The following PCLO variants were observed in gnomAD, a reference collection of about 807,000 sequenced individuals.
PCLO encodes piccolo presynaptic cytomatrix protein.
In PCLO, 82 loss-of-function variants were observed where a neutral mutation model predicts 427.5. That is an observed-to-expected ratio of 0.19 (90% CI 0.16 to 0.23). The LOEUF is 0.23. Among genes scored for constraint, PCLO ranks in the 10% least tolerant of loss-of-function variants. The probability of loss-of-function intolerance (pLI) is 1.00; values close to 1 mark genes in which losing one functional copy is unlikely to be tolerated. For missense variants in PCLO, 6,239 were observed against 6,115.9 expected, an observed-to-expected ratio of 1.02 and a Z score of -0.67; for synonymous variants, 2,357 against 2,155.4, an observed-to-expected ratio of 1.09 and a Z score of -2.59.
In PCLO at chr7:82,768,621, A is replaced by G. The variant is rs547830457; in HGVS notation, c.15008-7128T>C. On this transcript the variant is annotated intron_variant, in intron 22 of 24. Coordinates refer to ENST00000333891, the MANE Select transcript of PCLO (RefSeq NM_033026.6). ...TGATAAACATGAATATTTTAATTCT[A>G]CTTTAACAAAATTGATTCTTGCTTT... Among the ~76,000 whole-genome samples the G allele has an allele frequency of 1.2e-4, 19 of 152,146 alleles. No homozygotes were observed. The South Asian group carries it at 3.9e-3, about 32-fold the overall frequency.
At chr7:82,783,300 A>C (rs1424774968) in intron 22 of PCLO, among the ~76,000 whole-genome samples, 1 of 152,236 alleles carries the variant, frequency 6.6e-6, no homozygotes, top group African/African-American at 2.4e-5. Flanking sequence ...TTAGAGTTAA[A>C]GAAATATCAC....
chr7:83,019,090 T>C (rs867490424), intron 3 of PCLO, among the ~76,000 whole-genome samples: 16 of 151,986 alleles, frequency 1.1e-4, no homozygotes, highest in South Asian at 2.1e-4. Context: ...ATAATATTCC[T>C]GAAATCAAGA....
intron 9 of PCLO, among the ~76,000 whole-genome samples, chr7:82,896,056 A>C (rs2116153785): frequency 6.6e-6 from 1 of 152,054 alleles, no homozygotes; most frequent in South Asian, 2.1e-4. Context: ...TTAACAAAGC[A>C]AAGTAAATCA....
intron 10 of PCLO, among the ~76,000 whole-genome samples, chr7:82,862,789 G>C (rs539093544): frequency 6.6e-6 from 1 of 151,982 alleles, no homozygotes; most frequent in East Asian, 1.9e-4. Flanking sequence ...TTATTTGTGG[G>C]ATCTAAAAAT....
At chr7:82,814,676 A>C (rs997646577) in intron 20 of PCLO, among the ~76,000 whole-genome samples, 4 of 151,928 alleles carry the variant, frequency 2.6e-5, no homozygotes, top group African/African-American at 9.7e-5. Flanking sequence ...ATCAACAAGC[A>C]CATATTCCAT....
intron 22 of PCLO, among the ~76,000 whole-genome samples, chr7:82,783,153 C>T (rs1019762967): frequency 6.6e-6 from 1 of 152,204 alleles, no homozygotes. Context: ...GAGAACTAAA[C>T]AGGCTTGAGG....
At chr7:82,787,076 A>C (rs1001592350) in intron 22 of PCLO, among the ~76,000 whole-genome samples, 2 of 152,060 alleles carry the variant, frequency 1.3e-5, no homozygotes, top group African/African-American at 4.8e-5. Context: ...TAGGAGAATG[A>C]TTTATAATTC....
At chr7:83,071,665 T>C (rs1341956675) in intron 3 of PCLO, among the ~76,000 whole-genome samples, 1 of 152,160 alleles carries the variant, frequency 6.6e-6, no homozygotes, top group Non-Finnish European at 1.5e-5. Flanking sequence ...TAATACATCA[T>C]GAATCTTTCC....
At position 82,758,384 on chromosome 7, in the gene PCLO, T is replaced by C; in HGVS notation, c.*191A>G. The C allele has an allele frequency of 2.1e-6, 1 of 471,296 alleles. No homozygotes were observed. The highest frequency in any genetic ancestry group is 4.6e-5 in the South Asian group (1 of 21,874). 29.2% of individuals were successfully genotyped at this position (471,296 alleles called of 1,614,324 possible). On this transcript the variant is annotated 3_prime_UTR_variant, in exon 25 of 25. Coordinates refer to ENST00000333891, the MANE Select transcript of PCLO (RefSeq NM_033026.6). ...CTCCATTCTTCTTGTTTTCAGTATG[T>C]GAACTTTTTCAGTTGAATATCTTTG...
At chr7:83,123,371 G>A (rs567726683) in intron 3 of PCLO, among the ~76,000 whole-genome samples, 4 of 152,150 alleles carry the variant, frequency 2.6e-5, no homozygotes, top group Non-Finnish European at 5.9e-5. Context: ...ACTATACCTT[G>A]GGGAAAGTGT....
chr7:83,057,529 T>A (rs1394570567), intron 3 of PCLO, among the ~76,000 whole-genome samples: 3 of 149,318 alleles, frequency 2.0e-5, no homozygotes, highest in Non-Finnish European at 4.5e-5. Context: ...GCCCGGCTAA[T>A]TTTTTGTATT....
At chr7:83,146,765 T>G (rs1008915867) in intron 2 of PCLO, among the ~76,000 whole-genome samples, 2 of 152,052 alleles carry the variant, frequency 1.3e-5, no homozygotes, top group African/African-American at 2.4e-5. Flanking sequence ...CACGCCCAGC[T>G]AATTTTTTGT....
intron 1 of PCLO, among the ~76,000 whole-genome samples, chr7:83,160,191 T>C (rs541721758): frequency 9.6e-4 from 146 of 152,264 alleles, no homozygotes; most frequent in African/African-American, 3.3e-3. Flanking sequence ...ACAGGTGAGA[T>C]AGGTATTAGT....
At chr7:82,832,472 CT>C (rs1792119360) in intron 16 of PCLO, among the ~76,000 whole-genome samples, 1 of 152,034 alleles carries the variant, frequency 6.6e-6, no homozygotes, top group Non-Finnish European at 1.5e-5. Flanking sequence ...CCCGGATGGT[CT>C]TGATCTCCTG....
chr7:82,868,174 A>C (rs1447912645), intron 10 of PCLO: 1 of 456,548 alleles, frequency 2.2e-6, no homozygotes, highest in Non-Finnish European at 4.4e-6. Flanking sequence ...TTGATCTCCA[A>C]CCTTGATCAC....
intron 22 of PCLO, among the ~76,000 whole-genome samples, chr7:82,766,583 CAAT>C (rs1790536309): frequency 6.6e-6 from 1 of 151,894 alleles, no homozygotes; most frequent in African/African-American, 2.4e-5. Flanking sequence ...TATTTGGAGT[CAAT>C]AGCAGTTGTG....
At chr7:83,103,064 T>C (rs1363652294) in intron 3 of PCLO, among the ~76,000 whole-genome samples, 1 of 151,812 alleles carries the variant, frequency 6.6e-6, no homozygotes, top group Non-Finnish European at 1.5e-5. Flanking sequence ...GAAGAACATA[T>C]TGACAAGTAA....
At chr7:82,863,608 T>A (rs912558841) in intron 10 of PCLO, among the ~76,000 whole-genome samples, 2 of 152,018 alleles carry the variant, frequency 1.3e-5, no homozygotes, top group Admixed American at 6.6e-5. Context: ...ATAATTGATT[T>A]TCCATTGAAA....
At chr7:83,096,751 AT>A (rs1218591624) in intron 3 of PCLO, among the ~76,000 whole-genome samples, 1 of 71,082 alleles carries the variant, frequency 1.4e-5, no homozygotes, top group Non-Finnish European at 2.9e-5. Context: ...TATTATATAA[AT>A]TATATAAATA....
Sources: allele counts gnomAD v4.1 joint callset (sites outside exome capture counted in the v4.1 genomes callset), GRCh38; gene constraint gnomAD v4.1.1; transcripts MANE v1.5; gene names NCBI Gene and HGNC (gene_info 2026-07-23, HGNC 2026-07-21).